The following CAMK4 variants were observed in gnomAD, a reference collection of about 807,000 sequenced individuals.
CAMK4 encodes the protein calcium/calmodulin-dependent protein kinase type IV.
CAMK4 carries 22 observed loss-of-function variants against 44.9 expected under a neutral mutation model. The observed-to-expected ratio is 0.49, with a 90% CI of 0.35 to 0.70. CAMK4 has a LOEUF of 0.70. Ranked by LOEUF, CAMK4 falls within the 30% of genes least tolerant of loss-of-function variation. The pLI, the probability that CAMK4 is intolerant of heterozygous loss-of-function variation, is 0.01. For missense variants in CAMK4, 498 were observed against 586.8 expected (o/e 0.85, Z 1.56); for synonymous variants, 218 against 215.4 (o/e 1.01, Z -0.11).
intron 5 of CAMK4, among the ~76,000 whole-genome samples, chr5:111,442,661 A>T (rs1753869958): frequency 6.7e-6 from 1 of 149,764 alleles, no homozygotes; most frequent in African/African-American, 2.4e-5. Context: ...GCCAGAAATT[A>T]ATGAAATTTA....
At position 111,308,256 on chromosome 5, in the gene CAMK4, AAT is replaced by A. The variant is rs201213615; in HGVS notation, c.162-35766_162-35765del. Among the ~76,000 whole-genome samples, 122 of 149,002 alleles carry A rather than the reference AAT, an allele frequency of 8.2e-4. 1 individual carries two copies. In the East Asian group the frequency reaches 0.013, roughly 15 times the overall value. ...CCTAAAACTTAGAGTATAATAAAAA[AAT>A]AAAATAAAATAAATGTATCAAAACT... On this transcript the variant is annotated intron_variant, in intron 1 of 10. Transcript: ENST00000282356.
At chr5:111,446,801 T>C (rs1284090063) in intron 6 of CAMK4, 25 bp downstream of exon 6, 1 of 1,439,396 alleles carries the variant, frequency 6.9e-7, no homozygotes, top group South Asian at 1.1e-5. Context: ...TCTTGTTTTG[T>C]GACCCCTTTT....
chr5:111,328,494 G>T (rs1425035894), intron 1 of CAMK4, among the ~76,000 whole-genome samples: 1 of 152,064 alleles, frequency 6.6e-6, no homozygotes, highest in Non-Finnish European at 1.5e-5. Flanking sequence ...GGCGATGCGG[G>T]CTCTTTTTTG....
chr5:111,348,655 G>A (rs894111441), intron 2 of CAMK4, among the ~76,000 whole-genome samples: 7 of 151,948 alleles, frequency 4.6e-5, no homozygotes, highest in African/African-American at 7.2e-5. Context: ...AAAATGGTTT[G>A]TGTATGCACA....
chr5:111,461,795 C>G (rs925147047), intron 7 of CAMK4, among the ~76,000 whole-genome samples: 10 of 57,882 alleles, frequency 1.7e-4, no homozygotes. Context: ...ACACTGAATT[C>G]AAAACAAGCC....
At chr5:111,349,571 G>A (rs1056764447) in intron 2 of CAMK4, among the ~76,000 whole-genome samples, 8 of 151,980 alleles carry the variant, frequency 5.3e-5, no homozygotes, top group African/African-American at 1.9e-4. Flanking sequence ...AAATTAAGCA[G>A]TTGGAAACTT....
chr5:111,273,657 G>T (rs897646302), intron 1 of CAMK4, among the ~76,000 whole-genome samples: 2 of 127,938 alleles, frequency 1.6e-5, no homozygotes, highest in East Asian at 2.3e-4. Context: ...AATGTTATCC[G>T]TCAGCTTTAA....
chr5:111,235,806 C>T (rs943608887), intron 1 of CAMK4, among the ~76,000 whole-genome samples: 4 of 152,160 alleles, frequency 2.6e-5, no homozygotes, highest in African/African-American at 7.2e-5. Context: ...AGCGTTGGTC[C>T]GAGCCTGAGC....
intron 2 of CAMK4, among the ~76,000 whole-genome samples, chr5:111,346,293 A>G (rs903557167): frequency 2.0e-5 from 3 of 152,016 alleles, no homozygotes; most frequent in African/African-American, 7.2e-5. Context: ...TGAATTATTT[A>G]TGTAATCTAT....
At chr5:111,480,508 AC>A (rs1349528802) in intron 9 of CAMK4, among the ~76,000 whole-genome samples, 1 of 152,150 alleles carries the variant, frequency 6.6e-6, no homozygotes, top group African/African-American at 2.4e-5. Flanking sequence ...AAGCGTGTGT[AC>A]CCAGACCTTA....
chr5:111,340,275 G>A (rs1749584779), intron 1 of CAMK4, among the ~76,000 whole-genome samples: 1 of 151,270 alleles, frequency 6.6e-6, no homozygotes, highest in Non-Finnish European at 1.5e-5. Flanking sequence ...GAAGTGGTGA[G>A]ATTGAGAATC....
At chr5:111,289,128 T>C (rs919772227) in intron 1 of CAMK4, among the ~76,000 whole-genome samples, 5 of 151,990 alleles carry the variant, frequency 3.3e-5, no homozygotes, top group African/African-American at 1.2e-4. Flanking sequence ...GGGTGGATCA[T>C]CTGAGGTCAG....
At chr5:111,312,381 A>C (rs916571537) in intron 1 of CAMK4, among the ~76,000 whole-genome samples, 2 of 152,194 alleles carry the variant, frequency 1.3e-5, no homozygotes, top group Non-Finnish European at 2.9e-5. Context: ...TCATCTGTAA[A>C]ATAGACATTA....
At position 111,432,374 on chromosome 5, in the gene CAMK4, C is replaced by T. The variant is rs921186068; in HGVS notation, c.460-14312C>T. 1.4e-4 allele frequency among the ~76,000 whole-genome samples: 21 copies of T among 151,062 alleles called. 1 individual carries two copies. Among genetic ancestry groups the T allele is most frequent in the Non-Finnish European group, 1.8e-4 (12 of 67,734 alleles). On this transcript the variant is annotated intron_variant, in intron 5 of 10. Transcript: ENST00000282356. ...AGGCTGGGAAGTGTAGTAGGGGGTTCGGGGAAGGTAGGGATGGTTAATGGG... is the reference window on the plus strand; with the variant it reads ...AGGCTGGGAAGTGTAGTAGGGGGTTTGGGGAAGGTAGGGATGGTTAATGGG...
chr5:111,288,924 G>A (rs1751338207), intron 1 of CAMK4, among the ~76,000 whole-genome samples: 1 of 152,238 alleles, frequency 6.6e-6, no homozygotes, highest in Admixed American at 6.5e-5. Context: ...TTATCAGCCA[G>A]TTCCTAGCTC....
At chr5:111,301,330 A>C (rs1161225097) in intron 1 of CAMK4, among the ~76,000 whole-genome samples, 1 of 152,270 alleles carries the variant, frequency 6.6e-6, no homozygotes, top group Non-Finnish European at 1.5e-5. Flanking sequence ...ATGAATATAA[A>C]TATGTATGTT....
At chr5:111,433,368 T>G (rs1241029231) in intron 5 of CAMK4, among the ~76,000 whole-genome samples, 1 of 152,200 alleles carries the variant, frequency 6.6e-6, no homozygotes, top group African/African-American at 2.4e-5. Flanking sequence ...AGCACTACAC[T>G]TGATGAAACT....
chr5:111,324,901 G>C (rs1356693308), intron 1 of CAMK4, among the ~76,000 whole-genome samples: 5 of 151,946 alleles, frequency 3.3e-5, no homozygotes, highest in African/African-American at 1.2e-4. Flanking sequence ...TGTTACATAG[G>C]TATACATGTG....
intron 5 of CAMK4, among the ~76,000 whole-genome samples, chr5:111,442,259 C>T (rs942164167): frequency 1.3e-5 from 2 of 151,938 alleles, no homozygotes; most frequent in African/African-American, 4.8e-5. Flanking sequence ...TTGGGGAGGC[C>T]GAGGCAGGTG....
Sources: allele counts gnomAD v4.1 joint callset (sites outside exome capture counted in the v4.1 genomes callset), GRCh38; gene constraint gnomAD v4.1.1; transcripts MANE v1.5; gene names NCBI Gene and HGNC (gene_info 2026-07-23, HGNC 2026-07-21).